MAP4K3: variants seen among roughly 807,000 people sequenced by gnomAD.
MAP4K3 encodes MAPK/ERK kinase kinase kinase 3.
Under a neutral mutation model 143.5 loss-of-function variants are expected in MAP4K3, and 94 were observed. That is an observed-to-expected ratio of 0.65 (90% CI 0.55 to 0.78). The LOEUF is 0.78. MAP4K3 is among the 30% of genes least tolerant of loss of function. The pLI is 0.00. For missense variants in MAP4K3, 1,077 were observed against 1,068.1 expected (o/e 1.01, Z -0.12); for synonymous variants, 416 against 347.2 (o/e 1.20, Z -2.20).
Position 39,356,352 on chromosome 2 carries a change from A to G in MAP4K3, c.155-13T>C. 3 of 1,461,122 alleles carry G rather than the reference A, an allele frequency of 2.1e-6. No individual in the cohort carries two copies. The highest frequency in any genetic ancestry group is 2.9e-6 in the Non-Finnish European group (3 of 1,052,556). The allele number at this position is 1,461,122 out of a possible 1,614,324, so 90.5% of individuals were successfully genotyped here. A position where few individuals can be genotyped will look rare whatever the true frequency, so the allele number is the denominator to read the frequency against. On this transcript the variant is annotated splice_polypyrimidine_tract_variant and intron_variant, in intron 2 of 33. Coordinates refer to ENST00000263881, the MANE Select transcript of MAP4K3 (RefSeq NM_003618.4). ...GCAAAGTCTTCTCCTGGAATAAAAA[A>G]CAAGCATGTTGAATATTTAGAGGTA... is the stretch of plus-strand genomic sequence containing the variant.
At chr2:39,421,680 CTATGAT>C (rs1321828684) in intron 1 of MAP4K3, among the ~76,000 whole-genome samples, 2 of 152,184 alleles carry the variant, frequency 1.3e-5, no homozygotes, top group South Asian at 2.1e-4. Context: ...ATGGCATCTG[CTATGAT>C]TATAACTATT....
At chr2:39,258,171 A>G (rs1463204293) in intron 31 of MAP4K3, among the ~76,000 whole-genome samples, 177 bp downstream of exon 31, 1 of 152,180 alleles carries the variant, frequency 6.6e-6, no homozygotes, top group Non-Finnish European at 1.5e-5. Context: ...GCCTCAAGTG[A>G]TCCACCCACC....
intron 2 of MAP4K3, among the ~76,000 whole-genome samples, chr2:39,376,970 G>T (rs1166657842): frequency 1.3e-5 from 2 of 152,032 alleles, no homozygotes; most frequent in African/African-American, 4.8e-5. Flanking sequence ...AGAATATAAC[G>T]ACTACATAAA....
At chr2:39,339,252 C>A (rs986268521) in intron 4 of MAP4K3, among the ~76,000 whole-genome samples, 10 of 152,072 alleles carry the variant, frequency 6.6e-5, no homozygotes, top group African/African-American at 2.4e-4. Flanking sequence ...TATGGATAAA[C>A]CATGTAACTT....
intron 16 of MAP4K3, among the ~76,000 whole-genome samples, chr2:39,297,385 T>C (rs1440510933): frequency 1.3e-5 from 2 of 152,204 alleles, no homozygotes; most frequent in Non-Finnish European, 2.9e-5. Flanking sequence ...CCAAAAGTGC[T>C]GGGATTACAG....
chr2:39,346,967 A>G (rs183525764), intron 3 of MAP4K3, among the ~76,000 whole-genome samples: 12 of 152,122 alleles, frequency 7.9e-5, no homozygotes, highest in African/African-American at 2.9e-4. Context: ...CCTTCCTCTA[A>G]AAGAGTGAGT....
chr2:39,311,127 G>T lies in MAP4K3; in HGVS notation c.998-1608C>A, dbSNP rs542844111. ...GAGTCTCTTTCCGTTGCCCAGGCTG[G>T]AGTGTAATGGCGCGATCTCAGCTCA... On this transcript the variant is annotated intron_variant, in intron 13 of 33. Transcript: ENST00000263881. 1.4e-4 allele frequency among the ~76,000 whole-genome samples: 22 copies of T among 152,322 alleles called. No individual in the cohort carries two copies. The South Asian group carries it at 4.4e-3, about 30-fold the overall frequency.
intron 1 of MAP4K3, among the ~76,000 whole-genome samples, chr2:39,423,870 G>A (rs1364903455): frequency 1.3e-5 from 2 of 152,198 alleles, no homozygotes; most frequent in Non-Finnish European, 2.9e-5. Context: ...CAGAAAATGT[G>A]CAACACAGAG....
rs771669026 is a variant in MAP4K3, at chr2:39,286,417, T to C, written c.1587+435A>G. ...CCAGGGGTTAGGGACCCCTGATCTA[T>C]AGTTAGAAATTTGTCCTGGGGTAGA... On this transcript the variant is annotated intron_variant, in intron 21 of 33. Transcript: ENST00000263881. 2.0e-5 allele frequency among the ~76,000 whole-genome samples: 3 copies of C among 152,216 alleles called. 1 individual carries two copies. The highest frequency in any genetic ancestry group is 4.1e-4 in the South Asian group (2 of 4,834).
chr2:39,301,934 G>C (rs1682527870), intron 15 of MAP4K3, among the ~76,000 whole-genome samples: 1 of 152,050 alleles, frequency 6.6e-6, no homozygotes, highest in Non-Finnish European at 1.5e-5. Flanking sequence ...TGAGGCAGGA[G>C]AATCGCTTGA....
intron 24 of MAP4K3, among the ~76,000 whole-genome samples, chr2:39,278,068 G>A (rs960532448): frequency 6.6e-6 from 1 of 151,512 alleles, no homozygotes; most frequent in Admixed American, 6.6e-5. Flanking sequence ...GATCACCTGA[G>A]GTCAGGAGTT....
intron 26 of MAP4K3, chr2:39,271,950 G>C (rs1681042764): frequency 5.7e-6 from 1 of 174,864 alleles, no homozygotes; most frequent in African/African-American, 2.4e-5. Context: ...GAAACTTTGA[G>C]AAAAATTTTA....
intron 26 of MAP4K3, among the ~76,000 whole-genome samples, chr2:39,268,351 C>T (rs111408771): frequency 6.0e-4 from 92 of 152,218 alleles, no homozygotes; most frequent in African/African-American, 1.7e-3. Context: ...GACAAGGTCT[C>T]GCTCTGTCGC....
intron 2 of MAP4K3, among the ~76,000 whole-genome samples, chr2:39,367,558 A>G (rs1665959501): frequency 6.6e-6 from 1 of 151,910 alleles, no homozygotes; most frequent in Non-Finnish European, 1.5e-5. Flanking sequence ...AAAAAAGAAA[A>G]GGAAAAGGAA....
At chr2:39,429,681 C>G (rs1182878447) in intron 1 of MAP4K3, among the ~76,000 whole-genome samples, 1 of 152,086 alleles carries the variant, frequency 6.6e-6, no homozygotes, top group African/African-American at 2.4e-5. Flanking sequence ...AGACAAAATT[C>G]CAGTAGGCTT....
intron 1 of MAP4K3, among the ~76,000 whole-genome samples, chr2:39,384,438 C>T (rs1166978501): frequency 9.2e-5 from 14 of 152,294 alleles, no homozygotes; most frequent in Admixed American, 2.0e-4. Flanking sequence ...CCCAGCTACT[C>T]GAGAGGCTGG....
intron 4 of MAP4K3, among the ~76,000 whole-genome samples, chr2:39,342,868 G>C (rs1272103805): frequency 6.6e-6 from 1 of 151,968 alleles, no homozygotes; most frequent in Non-Finnish European, 1.5e-5. Flanking sequence ...TCCACTAATA[G>C]AAAGAGAAAA....
Position 39,337,019 on chromosome 2 carries a change from T to C in MAP4K3, c.367-52A>G, listed in dbSNP as rs761453662. The C allele has an allele frequency of 8.6e-5, 80 of 928,296 alleles. 1 individual carries two copies. Among genetic ancestry groups the C allele is most frequent in the Non-Finnish European group, 3.4e-6 (2 of 596,748 alleles). 57.5% of individuals were successfully genotyped at this position (928,296 alleles called of 1,614,324 possible). A position where few individuals can be genotyped will look rare whatever the true frequency, so the allele number is the denominator to read the frequency against. On this transcript the variant is annotated intron_variant, in intron 5 of 33. Transcript: ENST00000263881. The stretch of plus-strand genomic sequence containing the variant: ...AACAAGATTTTATCAAAGAGCACTC[T>C]TTTGGATTTTATGTAATCAAATGGG...
At chr2:39,263,272 G>GT (rs869070441) in intron 28 of MAP4K3, among the ~76,000 whole-genome samples, 4,544 of 136,202 alleles carry the variant, frequency 0.033, 129 homozygotes, top group African/African-American at 0.064. Flanking sequence ...ACATATAGAA[G>GT]TTTTTTTTTT....
Sources: allele counts gnomAD v4.1 joint callset (sites outside exome capture counted in the v4.1 genomes callset), GRCh38; gene constraint gnomAD v4.1.1; transcripts MANE v1.5; gene names NCBI Gene and HGNC (gene_info 2026-07-23, HGNC 2026-07-21).